The following MCTP2 variants were observed in gnomAD, a reference collection of about 807,000 sequenced individuals.
MCTP2 encodes multiple C2 and transmembrane domain containing 2, also known as multiple C2 and transmembrane domain-containing protein 2.
In MCTP2, 132 loss-of-function variants were observed where a neutral mutation model predicts 111.6. The observed-to-expected ratio is 1.18, with a 90% CI of 1.03 to 1.37. The LOEUF is 1.37. MCTP2 is among the 40% of genes most tolerant of loss of function. The pLI, the probability that MCTP2 is intolerant of heterozygous loss-of-function variation, is 0.00. For synonymous variants in MCTP2, 395 were observed against 387.7 expected (o/e 1.02, Z -0.22); for missense variants, 1,183 against 1,067.9 (o/e 1.11, Z -1.50).
chr15:94,471,090 C>G (rs192289174), intron 21 of MCTP2, among the ~76,000 whole-genome samples: 1 of 152,152 alleles, frequency 6.6e-6, no homozygotes, highest in Non-Finnish European at 1.5e-5. Flanking sequence ...CTCAAACTAG[C>G]GGTTGGACAA....
intron 1 of MCTP2, among the ~76,000 whole-genome samples, chr15:94,255,897 A>G (rs1317323689): frequency 6.6e-6 from 1 of 152,082 alleles, no homozygotes; most frequent in Non-Finnish European, 1.5e-5. Flanking sequence ...TTTTTTGTTG[A>G]CTTTACAGTT....
chr15:94,387,471 A>T (rs1052922913), intron 14 of MCTP2, among the ~76,000 whole-genome samples: 3 of 152,176 alleles, frequency 2.0e-5, no homozygotes, highest in African/African-American at 7.2e-5. Flanking sequence ...ATATCTTTCA[A>T]AATACAAGGT....
In MCTP2 at chr15:94,339,349, G is replaced by A. The variant is rs199723750; in HGVS notation, c.697G>A (p.Val233Ile). 198 of 1,611,976 alleles carry A rather than the reference G, an allele frequency of 1.2e-4. No homozygotes were observed. Among genetic ancestry groups the A allele is most frequent in the East Asian group, 1.8e-4 (8 of 44,854 alleles). ...LNGKTLYKSK[V>I]IYKNLNPVWD... ...TGGGAAGACGCTGTACAAAAGTAAA[G>A]TCATATATAAGAACTTGAACCCAGT... Residue 233 changes from valine (V) to isoleucine (I), a missense_variant, in exon 5 of 23, where the codon GTC becomes ATC. Val to Ile is a conservative substitution (Grantham distance 29). Transcript: ENST00000357742.
At chr15:94,300,945 G>A (rs1375316830) in intron 2 of MCTP2, among the ~76,000 whole-genome samples, 2 of 152,142 alleles carry the variant, frequency 1.3e-5, no homozygotes, top group African/African-American at 4.8e-5. Context: ...ATGTGTGTCT[G>A]GAAGGGTGTG....
intron 20 of MCTP2, among the ~76,000 whole-genome samples, chr15:94,461,115 T>C (rs761439177): frequency 1.3e-5 from 2 of 152,214 alleles, no homozygotes; most frequent in Non-Finnish European, 2.9e-5. Flanking sequence ...TTCCCTAATA[T>C]TACACAAATT....
intron 17 of MCTP2, among the ~76,000 whole-genome samples, chr15:94,416,561 A>G (rs1354219166): frequency 1.3e-5 from 2 of 152,138 alleles, no homozygotes; most frequent in East Asian, 3.9e-4. Flanking sequence ...TTTCATCTGT[A>G]TATAAAAATT....
intron 12 of MCTP2, among the ~76,000 whole-genome samples, chr15:94,381,087 C>T (rs1230618038): frequency 1.3e-5 from 2 of 152,192 alleles, no homozygotes; most frequent in Admixed American, 6.5e-5. Context: ...AGGAAAAGCA[C>T]GGCCTCAAAT....
intron 19 of MCTP2, among the ~76,000 whole-genome samples, chr15:94,447,780 A>G (rs1235106495): frequency 6.6e-6 from 1 of 152,250 alleles, no homozygotes. Flanking sequence ...AAAGTGTTGT[A>G]TTTTTAAGAA....
intron 17 of MCTP2, among the ~76,000 whole-genome samples, chr15:94,436,217 T>G (rs2083469018): frequency 6.6e-6 from 1 of 152,070 alleles, no homozygotes; most frequent in African/African-American, 2.4e-5. Context: ...TTCATTGGAG[T>G]TTTACTCAGC....
At chr15:94,243,664 T>A in intron 1 of MCTP2, among the ~76,000 whole-genome samples, 1 of 147,978 alleles carries the variant, frequency 6.8e-6, no homozygotes, top group Admixed American at 6.7e-5. Flanking sequence ...CACATATGCG[T>A]ATATATACAC....
chr15:94,476,562 GA>G, intron 21 of MCTP2, 133 bp from the exon 22 acceptor site: 1 of 550,426 alleles, frequency 1.8e-6, no homozygotes, highest in East Asian at 3.2e-5. Context: ...CGAGTCAGGC[GA>G]GTTTTTGAAG....
At chr15:94,275,353 C>T (rs141842190) in intron 1 of MCTP2, among the ~76,000 whole-genome samples, 69 of 151,878 alleles carry the variant, frequency 4.5e-4, no homozygotes, top group African/African-American at 1.6e-3. Flanking sequence ...TGTACAGATA[C>T]AAAATCTGAA....
intron 10 of MCTP2, among the ~76,000 whole-genome samples, chr15:94,359,439 TA>T (rs1293793765): frequency 6.6e-6 from 1 of 152,200 alleles, no homozygotes; most frequent in African/African-American, 2.4e-5. Flanking sequence ...ACACAGATCT[TA>T]AATTTAAACA....
intron 16 of MCTP2, 52 bp downstream of exon 16, chr15:94,400,047 G>C: frequency 6.7e-7 from 1 of 1,483,810 alleles, no homozygotes; most frequent in Non-Finnish European, 9.4e-7. Context: ...GCACCCAGCA[G>C]CTGAAGTATT....
intron 1 of MCTP2, among the ~76,000 whole-genome samples, chr15:94,235,550 A>C (rs2152208089): frequency 6.6e-6 from 1 of 152,334 alleles, no homozygotes; most frequent in East Asian, 1.9e-4. Context: ...TAATAATAAT[A>C]GTAATATATT....
chr15:94,449,124 G>A (rs868791067), intron 19 of MCTP2, among the ~76,000 whole-genome samples: 1 of 151,974 alleles, frequency 6.6e-6, no homozygotes, highest in Non-Finnish European at 1.5e-5. Context: ...TAGAAAGGGG[G>A]GATACCACTT....
chr15:94,385,998 G>A, intron 14 of MCTP2, among the ~76,000 whole-genome samples: 1 of 152,162 alleles, frequency 6.6e-6, no homozygotes, highest in East Asian at 1.9e-4. Flanking sequence ...TAGCAGTCAT[G>A]TTTGCTTTTG....
In MCTP2 at chr15:94,245,182, A is replaced by G. The variant is rs1052794583; in HGVS notation, c.-66+13518A>G. Among the ~76,000 whole-genome samples the G allele has an allele frequency of 1.5e-4, 21 of 144,692 alleles. 1 individual carries two copies. Among genetic ancestry groups the G allele is most frequent in the Non-Finnish European group, 3.0e-4 (20 of 66,032 alleles). 94.9% of individuals were successfully genotyped at this position (144,692 alleles called of 152,430 possible). ...TATATTTATACACATGTATAGATTTATACACACATATGTATGTATATATTT... is the reference window on the plus strand; with the variant it reads ...TATATTTATACACATGTATAGATTTGTACACACATATGTATGTATATATTT... On this transcript the variant is annotated intron_variant, in intron 1 of 22. Coordinates refer to ENST00000357742, the MANE Select transcript of MCTP2 (RefSeq NM_001385001.1).
At chr15:94,406,924 C>G (rs530735078) in intron 17 of MCTP2, among the ~76,000 whole-genome samples, 13 of 150,116 alleles carry the variant, frequency 8.7e-5, no homozygotes, top group Non-Finnish European at 1.6e-4. Flanking sequence ...AGAGAATAAC[C>G]ACCCCTTATG....
Sources: gnomAD v4.1 joint callset for allele counts (sites outside exome capture counted in the v4.1 genomes callset) on GRCh38, gnomAD v4.1.1 for gene constraint, MANE v1.5 for transcripts, NCBI Gene and HGNC (gene_info 2026-07-23, HGNC 2026-07-21) for gene names.